PGM3: variants seen among roughly 807,000 people sequenced by gnomAD.
PGM3 encodes phosphoglucomutase 3, also known as phosphoacetylglucosamine mutase.
In PGM3, 40 loss-of-function variants were observed where a neutral mutation model predicts 66.2. The ratio of observed to expected loss-of-function variants is 0.60; its 90% CI spans 0.47 to 0.79. The LOEUF (loss-of-function observed/expected upper bound fraction) is 0.79. PGM3 is among the 30% of genes least tolerant of loss of function. The pLI, the probability that PGM3 is intolerant of heterozygous loss-of-function variation, is 0.00. For missense variants in PGM3, 537 were observed against 643.4 expected (o/e 0.83, Z 1.79); for synonymous variants, 191 against 224.2 (o/e 0.85, Z 1.32).
At chr6:83,193,289 G>C (rs867150852), upstream of PGM3, 1 of 152,258 alleles carries the variant, frequency 6.6e-6, no homozygotes. Flanking sequence ...CGTGGCTTCC[G>C]GCTCGTCGCC....
chr6:83,160,464 G>C (rs1327645426), downstream of PGM3, among the ~76,000 whole-genome samples: 2 of 152,216 alleles, frequency 1.3e-5, no homozygotes, highest in African/African-American at 4.8e-5. Flanking sequence ...ATTAAACCAT[G>C]TAAGACCTTG....
intron 10 of PGM3, 82 bp from the exon 11 acceptor site, chr6:83,172,141 C>A: frequency 7.1e-7 from 1 of 1,413,926 alleles, no homozygotes; most frequent in East Asian, 2.3e-5. Context: ...GAAAACCAAT[C>A]ACAGTACAGG....
chr6:83,177,573 G>A (rs1787874644), intron 8 of PGM3, among the ~76,000 whole-genome samples: 1 of 152,118 alleles, frequency 6.6e-6, no homozygotes, highest in Non-Finnish European at 1.5e-5. Flanking sequence ...ATAGCCAAGC[G>A]GACACATTCC....
rs142572737 is a variant in PGM3 at position 83,188,446 on chromosome 6, C to T, written c.389+168G>A. ...GAGTCAGACTCCAAACCCCAAGCTG[C>T]AGTAGTGACTTAGCTACTACATCCT... On this transcript the variant is annotated intron_variant, in intron 3 of 12. Transcript: ENST00000513973. The T allele has an allele frequency of 2.9e-4, 165 of 571,638 alleles. 1 individual carries two copies. The East Asian group carries it at 4.4e-3, about 15-fold the overall frequency. 35.4% of individuals were successfully genotyped at this position (571,638 alleles called of 1,614,324 possible). A position where few individuals can be genotyped will look rare whatever the true frequency, so the allele number is the denominator to read the frequency against.
chr6:83,188,675 T>C lies in PGM3; in HGVS notation c.328A>G (p.Ser110Gly), dbSNP rs1159239461. The C allele has an allele frequency of 6.2e-7, 1 of 1,613,950 alleles. No individual in the cohort carries two copies. Among genetic ancestry groups the C allele is most frequent in the East Asian group, 2.2e-5 (1 of 44,892 alleles). Reference sequence around the variant, plus strand: ...TGCAGATTCACAGCTTCTTTCTCGCTGATGTCAATAAGCACTCTCTGCATA... The same window carrying C: ...TGCAGATTCACAGCTTCTTTCTCGCCGATGTCAATAAGCACTCTCTGCATA... ...QDMQRVLIDISEKEAVNLQQD... is the reference protein window; with the variant it reads ...QDMQRVLIDIGEKEAVNLQQD... Residue 110 changes from serine to glycine, a missense_variant, in exon 3 of 13, where the codon AGC becomes GGC. Coordinates refer to ENST00000513973, the MANE Select transcript of PGM3 (RefSeq NM_015599.3).
intron 6 of PGM3, 33 bp from the exon 7 acceptor site, chr6:83,180,000 G>A (rs950178763): frequency 2.0e-6 from 3 of 1,513,952 alleles, no homozygotes; most frequent in East Asian, 4.6e-5. Context: ...ATGCATTTCA[G>A]TCTAAGAATT....
At chr6:83,154,795 G>GA in the PGM3 span, among the ~76,000 whole-genome samples, 18 of 151,050 alleles carry the variant, frequency 1.2e-4, no homozygotes, top group African/African-American at 1.7e-4. Context: ...AATTTCATCT[G>GA]AAAAAAAAGA....
chr6:83,171,766 C>A (rs758029776), intron 11 of PGM3, among the ~76,000 whole-genome samples, 171 bp downstream of exon 11: 3 of 152,222 alleles, frequency 2.0e-5, no homozygotes, highest in Non-Finnish European at 4.4e-5. Context: ...GGATTAAAGG[C>A]ATGAGCCACG....
intron 8 of PGM3, among the ~76,000 whole-genome samples, chr6:83,177,276 A>T (rs1787840903): frequency 6.6e-6 from 1 of 152,178 alleles, no homozygotes; most frequent in Non-Finnish European, 1.5e-5. Flanking sequence ...GGTACAAAAA[A>T]GTTGGAAAAC....
At chr6:83,171,882 A>G (rs1787224965) in intron 11 of PGM3, 55 bp downstream of exon 11, 1 of 1,314,100 alleles carries the variant, frequency 7.6e-7, no homozygotes, top group East Asian at 2.3e-5. Flanking sequence ...GAATTGGGAT[A>G]ATAGGTTTTA....
chr6:83,154,074 G>A, the PGM3 span: 10 of 1,613,366 alleles, frequency 6.2e-6, no homozygotes, highest in East Asian at 6.7e-5. Context: ...TATTCAGCAT[G>A]ATGCACCTCA....
chr6:83,165,834 G>A lies in PGM3; in HGVS notation c.*3400C>T. ...CCCTTTCTGGTGGCCAATGCCGGCT[G>A]CAGGCATTGCAGTTTTTGGTGCATC... On this transcript the variant is annotated 3_prime_UTR_variant, in exon 13 of 13. Coordinates refer to ENST00000513973, the MANE Select transcript of PGM3 (RefSeq NM_015599.3). The A allele has an allele frequency of 3.1e-6, 1 of 326,206 alleles. No homozygotes were observed. The highest frequency in any genetic ancestry group is 6.1e-6 in the Non-Finnish European group (1 of 163,528). 20.2% of individuals were successfully genotyped at this position (326,206 alleles called of 1,614,324 possible).
At chr6:83,151,722 G>T in the PGM3 span, 2 of 1,512,486 alleles carry the variant, frequency 1.3e-6, no homozygotes, top group Non-Finnish European at 1.8e-6. Flanking sequence ...GAAAATGAGA[G>T]AGTCAAATAA....
At chr6:83,163,037 C>A, downstream of PGM3, 1 of 1,179,384 alleles carries the variant, frequency 8.5e-7, no homozygotes, top group Non-Finnish European at 1.2e-6. Flanking sequence ...ATTTTGAAAA[C>A]AAGTCCCCAG....
chr6:83,172,780 A>G (rs569445405), intron 10 of PGM3, among the ~76,000 whole-genome samples: 3 of 152,232 alleles, frequency 2.0e-5, no homozygotes, highest in African/African-American at 2.4e-5. Context: ...GTTTCCATGC[A>G]TGCCAGATAT....
the PGM3 span, among the ~76,000 whole-genome samples, chr6:83,149,457 G>A: frequency 6.6e-6 from 1 of 152,154 alleles, no homozygotes; most frequent in Non-Finnish European, 1.5e-5. Flanking sequence ...AACAGGAAGG[G>A]GAAGGGTATT....
intron 11 of PGM3, chr6:83,171,485 T>A (rs1787115869): frequency 6.6e-6 from 1 of 152,274 alleles, no homozygotes; most frequent in African/African-American, 2.4e-5. Context: ...CAATTAGGTA[T>A]CATAAGGCCT....
At chr6:83,192,815 G>A (rs1406376533) in intron 1 of PGM3, among the ~76,000 whole-genome samples, 2 of 152,040 alleles carry the variant, frequency 1.3e-5, no homozygotes, top group Non-Finnish European at 2.9e-5. Flanking sequence ...GCCAAATCCA[G>A]CGTCCACGCA....
At position 83,168,552 on chromosome 6, in the gene PGM3, T is replaced by C. The variant is rs1410487500; in HGVS notation, c.*682A>G. ...TATTAACCATGTTCTGGTATCAGAA[T>C]GGTGTTCCTTCTCCATCAGAGGCTG... On this transcript the variant is annotated 3_prime_UTR_variant, in exon 13 of 13. Coordinates refer to ENST00000513973, the MANE Select transcript of PGM3 (RefSeq NM_015599.3). 1.0e-6 allele frequency: 1 copy of C among 1,001,920 alleles called. No homozygotes were observed. Among genetic ancestry groups the C allele is most frequent in the Non-Finnish European group, 1.2e-6 (1 of 840,614 alleles). 62.1% of individuals were successfully genotyped at this position (1,001,920 alleles called of 1,614,324 possible).
Sources: gnomAD v4.1 joint callset for allele counts (sites outside exome capture counted in the v4.1 genomes callset) on GRCh38, gnomAD v4.1.1 for gene constraint, MANE v1.5 for transcripts, NCBI Gene and HGNC (gene_info 2026-07-23, HGNC 2026-07-21) for gene names.